Variants in CFH observed in about 807,000 individuals in gnomAD.
The protein encoded by CFH is complement factor H, also known as H factor 1 (complement).
In CFH, 53 loss-of-function variants were observed where a neutral mutation model predicts 147.3. The observed-to-expected ratio is 0.36, with a 90% CI of 0.29 to 0.45. The LOEUF is 0.45. Ranked by LOEUF, CFH falls within the 20% of genes least tolerant of loss-of-function variation. The pLI, the probability that CFH is intolerant of heterozygous loss-of-function variation, is 1.00. For missense variants in CFH, 1,380 were observed against 1,498.0 expected, an observed-to-expected ratio of 0.92 and a Z score of 1.30; for synonymous variants, 536 against 489.4, an observed-to-expected ratio of 1.10 and a Z score of -1.26.
chr1:196,733,883 A>G (rs1669339280), intron 15 of CFH, among the ~76,000 whole-genome samples: 1 of 152,070 alleles, frequency 6.6e-6, no homozygotes. Context: ...TAGCCACAGG[A>G]AGAATATATC....
intron 1 of CFH, among the ~76,000 whole-genome samples, chr1:196,667,221 A>T (rs1667128226): frequency 6.6e-6 from 1 of 152,206 alleles, no homozygotes; most frequent in Non-Finnish European, 1.5e-5. Context: ...GAAAGGGAAC[A>T]ACCATGATTT....
chr1:196,701,291 A>G lies in CFH; in HGVS notation c.1336+11052A>G, dbSNP rs760441696. On this transcript the variant is annotated intron_variant, in intron 9 of 21. Coordinates refer to ENST00000367429, the MANE Select transcript of CFH (RefSeq NM_000186.4). ...AATCTCAGCAAGCCTAACTCAGGGTAATCATCTGCTCTTCAATCTTTCCCA... is the reference window on the plus strand; with the variant it reads ...AATCTCAGCAAGCCTAACTCAGGGTGATCATCTGCTCTTCAATCTTTCCCA... The G allele has an allele frequency of 1.1e-5, 17 of 1,613,608 alleles. No individual in the cohort carries two copies. In the Admixed American group the frequency reaches 2.7e-4, roughly 25 times the overall value.
At chr1:196,667,537 G>A (rs1040901779) in intron 1 of CFH, among the ~76,000 whole-genome samples, 1 of 151,772 alleles carries the variant, frequency 6.6e-6, no homozygotes, top group African/African-American at 2.4e-5. Context: ...TACTTTTCTA[G>A]CATATTGGTT....
rs1653051837 is a variant in CFH at position 196,747,333 on chromosome 1, A to C, written c.*20A>C. 6.2e-7 allele frequency: 1 copy of C among 1,613,826 alleles called. No individual in the cohort carries two copies. The highest frequency in any genetic ancestry group is 1.1e-5 in the South Asian group (1 of 91,086). On this transcript the variant is annotated 3_prime_UTR_variant, in exon 22 of 22. Coordinates refer to ENST00000367429, the MANE Select transcript of CFH (RefSeq NM_000186.4). ...AGATAGAATCAATCATAAAGTGCACACCTTTATTCAGAACTTTAGTATTAA... is the reference window on the plus strand; with the variant it reads ...AGATAGAATCAATCATAAAGTGCACCCCTTTATTCAGAACTTTAGTATTAA...
At chr1:196,661,387 A>G (rs1666898631) in intron 1 of CFH, among the ~76,000 whole-genome samples, 1 of 152,210 alleles carries the variant, frequency 6.6e-6, no homozygotes, top group South Asian at 2.1e-4. Context: ...ACAACAAAAT[A>G]TTATTAACTG....
In CFH at chr1:196,689,402, T is replaced by A. The variant is rs572308974; in HGVS notation, c.965-18T>A. Reference sequence around the variant, plus strand: ...CAGTAAAATTTCTTTATACTTTTTTTAAAATTTTTATTGCAAGTGAAACCT... The same window carrying A: ...CAGTAAAATTTCTTTATACTTTTTTAAAAATTTTTATTGCAAGTGAAACCT... On this transcript the variant is annotated intron_variant, in intron 7 of 21. Coordinates refer to ENST00000367429, the MANE Select transcript of CFH (RefSeq NM_000186.4). 570 of 1,607,000 alleles carry A rather than the reference T, an allele frequency of 3.5e-4. 4 individuals are homozygous for A. The highest frequency in any genetic ancestry group is 3.3e-3 in the South Asian group (300 of 90,080).
chr1:196,703,982 CAAAAAAAA>C (rs386369224), intron 9 of CFH, among the ~76,000 whole-genome samples: 7 of 60,610 alleles, frequency 1.2e-4, no homozygotes, highest in Admixed American at 6.8e-4. Flanking sequence ...AAGACTCTGT[CAAAAAAAA>C]AAAAAAAAAA....
At chr1:196,695,404 C>G (rs1668218796) in intron 9 of CFH, among the ~76,000 whole-genome samples, 1 of 152,136 alleles carries the variant, frequency 6.6e-6, no homozygotes, top group African/African-American at 2.4e-5. Flanking sequence ...GTTTTGGTTA[C>G]TGTAGTCTTG....
chr1:196,739,146 C>T lies in CFH; in HGVS notation c.2783-1473C>T, dbSNP rs950581420. ...CTGCATAGAGCAGCAGGGACCTGAT[C>T]CAGGTCCATCAAACCATTTTTCCCT... is the stretch of plus-strand genomic sequence containing the variant. On this transcript the variant is annotated intron_variant, in intron 17 of 21. Coordinates refer to ENST00000367429, the MANE Select transcript of CFH (RefSeq NM_000186.4). 3.9e-5 allele frequency among the ~76,000 whole-genome samples: 6 copies of T among 152,314 alleles called. No homozygotes were observed. In the South Asian group the frequency reaches 1.2e-3, roughly 32 times the overall value.
intron 15 of CFH, among the ~76,000 whole-genome samples, chr1:196,729,338 T>C (rs1669227445): frequency 6.6e-6 from 1 of 152,088 alleles, no homozygotes; most frequent in Admixed American, 6.6e-5. Context: ...TCTATATAGA[T>C]TTATTAAAAT....
At position 196,677,547 on chromosome 1, in the gene CFH, G is replaced by C. The variant is rs1478306395; in HGVS notation, c.499G>C (p.Glu167Gln). The change falls in exon 5 of 22, where the codon GAA (glutamate) becomes CAA (glutamine). Residue 167 changes from glutamate to glutamine, a missense_variant. Physicochemically the swap from Glu to Gln is conservative, Grantham distance 29. Coordinates refer to ENST00000367429, the MANE Select transcript of CFH (RefSeq NM_000186.4). ...IVSSAMEPDR[E>Q]YHFGQAVRFV... ...CAGTAGTGCAATGGAACCAGATCGGGAATACCATTTTGGACAAGCAGTACG... is the reference window on the plus strand; with the variant it reads ...CAGTAGTGCAATGGAACCAGATCGGCAATACCATTTTGGACAAGCAGTACG... 6.2e-7 allele frequency: 1 copy of C among 1,613,218 alleles called. No individual in the cohort carries two copies. Among genetic ancestry groups the C allele is most frequent in the Non-Finnish European group, 8.5e-7 (1 of 1,179,462 alleles).
At chr1:196,730,145 G>A (rs531937737) in intron 15 of CFH, among the ~76,000 whole-genome samples, 6 of 151,766 alleles carry the variant, frequency 4.0e-5, no homozygotes, top group African/African-American at 1.4e-4. Flanking sequence ...GTTTGTTCAT[G>A]TTTTTCTGCT....
chr1:196,697,843 T>C (rs1558166348), intron 9 of CFH, among the ~76,000 whole-genome samples: 2 of 152,106 alleles, frequency 1.3e-5, no homozygotes, highest in Non-Finnish European at 2.9e-5. Flanking sequence ...GAAGAGTTCA[T>C]GTCCTTTGTA....
At chr1:196,740,312 C>A (rs907508370) in intron 17 of CFH, among the ~76,000 whole-genome samples, 1 of 152,068 alleles carries the variant, frequency 6.6e-6, no homozygotes. Flanking sequence ...TACCTGGAAT[C>A]GTTAACTCTC....
intron 3 of CFH, among the ~76,000 whole-genome samples, chr1:196,675,413 C>T (rs1414372672): frequency 1.3e-5 from 2 of 152,112 alleles, no homozygotes; most frequent in African/African-American, 2.4e-5. Flanking sequence ...AAATCACACA[C>T]TAACAACTTT....
At chr1:196,703,961 G>C (rs1398004004) in intron 9 of CFH, among the ~76,000 whole-genome samples, 2 of 138,900 alleles carry the variant, frequency 1.4e-5, no homozygotes, top group Non-Finnish European at 3.0e-5. Flanking sequence ...CTCCAGCCTG[G>C]GGGACAGAGC....
chr1:196,657,998 T>C (rs1332785255), intron 1 of CFH, among the ~76,000 whole-genome samples: 1 of 152,138 alleles, frequency 6.6e-6, no homozygotes, highest in Non-Finnish European at 1.5e-5. Flanking sequence ...ATTAGTTCTA[T>C]GTTTGTATGT....
chr1:196,703,519 G>C (rs1668512347), intron 9 of CFH, among the ~76,000 whole-genome samples: 1 of 152,198 alleles, frequency 6.6e-6, no homozygotes, highest in South Asian at 2.1e-4. Flanking sequence ...TGATGATGGT[G>C]AGAAATCAGC....
intron 1 of CFH, among the ~76,000 whole-genome samples, chr1:196,653,764 G>A (rs1666584242): frequency 6.6e-6 from 1 of 152,014 alleles, no homozygotes; most frequent in South Asian, 2.1e-4. Context: ...TCATCAATGT[G>A]TGTTTAAATG....
Sources: gnomAD v4.1 joint callset for allele counts (sites outside exome capture counted in the v4.1 genomes callset) on GRCh38, gnomAD v4.1.1 for gene constraint, MANE v1.5 for transcripts, NCBI Gene and HGNC (gene_info 2026-07-23, HGNC 2026-07-21) for gene names.